Variants in GDI2 observed in about 807,000 individuals in gnomAD.
GDI2 encodes GDP dissociation inhibitor 2.
A neutral mutation model predicts 54.2 loss-of-function variants in GDI2; 22 were observed. The ratio of observed to expected loss-of-function variants is 0.41; its 90% CI spans 0.29 to 0.58. GDI2 has a LOEUF of 0.58. GDI2 is among the 20% of genes least tolerant of loss of function. The pLI is 0.35. For missense variants in GDI2, 422 were observed against 546.0 expected (o/e 0.77, Z 2.26); for synonymous variants, 177 against 182.1 (o/e 0.97, Z 0.23).
At chr10:5,778,557 T>C (rs1025811382) in intron 6 of GDI2, among the ~76,000 whole-genome samples, 2 of 152,228 alleles carry the variant, frequency 1.3e-5, no homozygotes, top group Admixed American at 6.5e-5. Context: ...ATTTCCATTT[T>C]ATGAAGAAAG....
At chr10:5,781,632 A>G (rs965201408) in intron 6 of GDI2, among the ~76,000 whole-genome samples, 18 of 152,032 alleles carry the variant, frequency 1.2e-4, no homozygotes, top group South Asian at 4.2e-4. Flanking sequence ...CTCCAAAAAA[A>G]AAAAAAAAAA....
chr10:5,808,740 C>CACACACAA (rs1841429602), intron 1 of GDI2, among the ~76,000 whole-genome samples: 1 of 86,078 alleles, frequency 1.2e-5, no homozygotes, highest in Non-Finnish European at 2.6e-5. Flanking sequence ...CACACACACA[C>CACACACAA]ACACACACAA....
chr10:5,800,635 T>C lies in GDI2; in HGVS notation c.116A>G (p.Tyr39Cys). 2 of 1,593,230 alleles carry C rather than the reference T, an allele frequency of 1.3e-6. No individual in the cohort carries two copies. Among genetic ancestry groups the C allele is most frequent in the Non-Finnish European group, 1.7e-6 (2 of 1,160,882 alleles). Reference protein sequence around the residue: ...KVLHMDRNPYYGGESASITPL... With the variant: ...KVLHMDRNPYCGGESASITPL... ...TGTTATAGATGCACTCTCTCCTCCGTAGTAAGGGTTTCGATCCATATGAAG... is the reference window on the plus strand; with the variant it reads ...TGTTATAGATGCACTCTCTCCTCCGCAGTAAGGGTTTCGATCCATATGAAG... The change falls in exon 2 of 11, where the codon TAC becomes TGC. Residue 39 changes from tyrosine (Y) to cysteine (C), a missense_variant. Tyr to Cys is a radical substitution (Grantham distance 194). Transcript: ENST00000380191.
At position 5,776,438 on chromosome 10, in the gene GDI2, C is replaced by A; in HGVS notation, c.720-2497G>T. 1 of 829,916 alleles carries A rather than the reference C, an allele frequency of 1.2e-6. No homozygotes were observed. Among genetic ancestry groups the A allele is most frequent in the Non-Finnish European group, 2.1e-6 (1 of 470,398 alleles). The allele number at this position is 829,916 out of a possible 1,614,324, so 51.4% of individuals were successfully genotyped here. Reference sequence around the variant, plus strand: ...AAGGGATCTTTGACAGGGATCCAGACACGCTACTATTTTTACTTTAGCAAA... The same window carrying A: ...AAGGGATCTTTGACAGGGATCCAGAAACGCTACTATTTTTACTTTAGCAAA... On this transcript the variant is annotated intron_variant, in intron 6 of 10. Coordinates refer to ENST00000380191, the MANE Select transcript of GDI2 (RefSeq NM_001494.4). The surrounding 1 kb of genome is among the most constrained non-coding windows in gnomAD (Gnocchi z 5.3).
Position 5,800,051 on chromosome 10 carries a change from T to A in GDI2, c.153+547A>T, listed in dbSNP as rs555501362. 4.6e-5 allele frequency among the ~76,000 whole-genome samples: 7 copies of A among 152,284 alleles called. No individual in the cohort carries two copies. The East Asian group carries it at 1.3e-3, about 29-fold the overall frequency. The stretch of plus-strand genomic sequence containing the variant: ...AGTCATTGATGATATCTATCTCCCA[T>A]AAGACACAGTACACATCATATCCAT... On this transcript the variant is annotated intron_variant, in intron 2 of 10. Coordinates refer to ENST00000380191, the MANE Select transcript of GDI2 (RefSeq NM_001494.4).
chr10:5,770,472 G>C (rs912304144), intron 7 of GDI2, among the ~76,000 whole-genome samples: 1 of 152,094 alleles, frequency 6.6e-6, no homozygotes, highest in African/African-American at 2.4e-5. Context: ...TGAGGCAGGA[G>C]AATCACTTGA....
At chr10:5,788,991 T>C (rs1483661472) in intron 4 of GDI2, among the ~76,000 whole-genome samples, 4 of 152,184 alleles carry the variant, frequency 2.6e-5, no homozygotes, top group Admixed American at 6.5e-5. Context: ...GGTGTCAAAC[T>C]CCTGACCTCA....
Position 5,768,154 on chromosome 10 carries a change from C to A in GDI2, c.991+59G>T. 1 of 1,442,074 alleles carries A rather than the reference C, an allele frequency of 6.9e-7. No homozygotes were observed. The allele number at this position is 1,442,074 out of a possible 1,614,324, so 89.3% of individuals were successfully genotyped here. On this transcript the variant is annotated intron_variant, in intron 8 of 10. Coordinates refer to ENST00000380191, the MANE Select transcript of GDI2 (RefSeq NM_001494.4). This position sits in a 1 kb window ranked among gnomAD's most constrained non-coding sequence, Gnocchi z 4.4. ...ACAAAATTAGGAATTTGGGATAAAA[C>A]ACAAAGCAAATTATATCTTACAAAA...
Position 5,795,563 on chromosome 10 carries a change from A to G in GDI2, c.254-544T>C, listed in dbSNP as rs118000336. 5.9e-3 allele frequency among the ~76,000 whole-genome samples: 899 copies of G among 152,360 alleles called. 12 individuals are homozygous for G. Among genetic ancestry groups the G allele is most frequent in the Middle Eastern group, 0.041 (12 of 294 alleles). The stretch of plus-strand genomic sequence containing the variant: ...TAGGTTTTTTTAATGTTACAACTTA[A>G]AGGTTAATAATTCTATCAACTTGCT... On this transcript the variant is annotated intron_variant, in intron 3 of 10. Transcript: ENST00000380191.
At chr10:5,791,753 A>G (rs1335440592) in intron 4 of GDI2, among the ~76,000 whole-genome samples, 3 of 149,320 alleles carry the variant, frequency 2.0e-5, no homozygotes, top group African/African-American at 7.3e-5. Context: ...AAAAAAAGAA[A>G]AAAAAAAAAA....
At chr10:5,797,303 T>C (rs931301365) in intron 2 of GDI2, among the ~76,000 whole-genome samples, 1 of 151,750 alleles carries the variant, frequency 6.6e-6, no homozygotes, top group Middle Eastern at 3.4e-3. Context: ...CCCAAACACT[T>C]TGGGAGGCCG....
intron 2 of GDI2, among the ~76,000 whole-genome samples, chr10:5,799,662 A>T (rs567875636): frequency 6.6e-6 from 1 of 152,380 alleles, no homozygotes; most frequent in Non-Finnish European, 1.5e-5. Flanking sequence ...CAGAAAAATA[A>T]ATAAGAGAAT....
In GDI2 at chr10:5,785,895, T is replaced by G; in HGVS notation, c.544A>C (p.Ile182Leu). Residue 182 changes from isoleucine (I) to leucine (L), a missense_variant, in exon 5 of 11, where the codon ATA becomes CTA. By Grantham distance (5) the Ile-to-Leu change is conservative. Transcript: ENST00000380191. ...YKKFDLGQDV[I>L]DFTGHALALY... Reference sequence around the variant, plus strand: ...GCAAGAGCATGACCAGTAAAATCTATAACGTCTTGACCCAAATCAAATTTC... The same window carrying G: ...GCAAGAGCATGACCAGTAAAATCTAGAACGTCTTGACCCAAATCAAATTTC... 6.2e-7 allele frequency: 1 copy of G among 1,612,230 alleles called. No individual in the cohort carries two copies. Among genetic ancestry groups the G allele is most frequent in the Non-Finnish European group, 8.5e-7 (1 of 1,178,332 alleles).
chr10:5,785,022 A>T, intron 6 of GDI2, 120 bp downstream of exon 6: 1 of 613,100 alleles, frequency 1.6e-6, no homozygotes, highest in East Asian at 3.1e-5. Flanking sequence ...TTCAATAAAA[A>T]TAAAAAGCAT....
intron 1 of GDI2, among the ~76,000 whole-genome samples, chr10:5,807,425 C>T (rs1329719228): frequency 1.3e-5 from 2 of 152,150 alleles, no homozygotes; most frequent in African/African-American, 2.4e-5. Flanking sequence ...ACTTTAACCA[C>T]GAAACTTGTA....
At chr10:5,793,135 C>T (rs1841055210) in intron 4 of GDI2, among the ~76,000 whole-genome samples, 1 of 152,004 alleles carries the variant, frequency 6.6e-6, no homozygotes. Flanking sequence ...CCTGGGACTA[C>T]AGTAATGTAC....
intron 1 of GDI2, among the ~76,000 whole-genome samples, chr10:5,812,220 AG>A (rs372892708): frequency 1.3e-5 from 2 of 149,258 alleles, no homozygotes; most frequent in Non-Finnish European, 1.5e-5. Context: ...AAAAAAAAAA[AG>A]AACAGAAAAA....
rs1312372506 is a variant in GDI2, at chr10:5,796,863, C to T, written c.154-1G>A. ...CTGGTATTTTAAATCTTTTGTATAA[C>T]TAAAAGCAAGGAAAAACATAGCCAT... On this transcript the variant is annotated splice_acceptor_variant, in intron 2 of 10. Coordinates refer to ENST00000380191, the MANE Select transcript of GDI2 (RefSeq NM_001494.4). LOFTEE classifies it high-confidence loss of function. 6.8e-7 allele frequency: 1 copy of T among 1,467,168 alleles called. No individual in the cohort carries two copies. The allele number at this position is 1,467,168 out of a possible 1,614,324, so 90.9% of individuals were successfully genotyped here. A position where few individuals can be genotyped will look rare whatever the true frequency, so the allele number is the denominator to read the frequency against.
rs1246481141 is a variant in GDI2, at chr10:5,774,386, T to C, written c.720-445A>G. Among the ~76,000 whole-genome samples the C allele has an allele frequency of 2.0e-5, 3 of 152,194 alleles. No homozygotes were observed. Among genetic ancestry groups the C allele is most frequent in the Non-Finnish European group, 2.9e-5 (2 of 68,036 alleles). ...CAGCACGGTAACATATTTTGGTGCC[T>C]GTGACTCGGCTACCTTCCACCAGCA... On this transcript the variant is annotated intron_variant, in intron 6 of 10. Coordinates refer to ENST00000380191, the MANE Select transcript of GDI2 (RefSeq NM_001494.4). This position sits in a 1 kb window ranked among gnomAD's most constrained non-coding sequence, Gnocchi z 4.8.
Sources: gnomAD v4.1 joint callset for allele counts (sites outside exome capture counted in the v4.1 genomes callset) on GRCh38, gnomAD v4.1.1 for gene constraint, Gnocchi (gnomAD v3.1) non-coding constraint, MANE v1.5 for transcripts, NCBI Gene and HGNC (gene_info 2026-07-23, HGNC 2026-07-21) for gene names.